PDE4D: variants seen among roughly 807,000 people sequenced by gnomAD.
PDE4D encodes the protein 3',5'-cyclic-AMP phosphodiesterase 4D.
Under a neutral mutation model 87.4 loss-of-function variants are expected in PDE4D, and 24 were observed. That is an observed-to-expected ratio of 0.27 (90% CI 0.20 to 0.39). The LOEUF is 0.39. Among genes scored for constraint, PDE4D ranks in the 10% least tolerant of loss-of-function variants. The pLI, the probability that PDE4D is intolerant of heterozygous loss-of-function variation, is 1.00. For missense variants in PDE4D, 714 were observed against 1,041.0 expected (o/e 0.69, Z 4.32); for synonymous variants, 384 against 383.2 (o/e 1.00, Z -0.02).
At chr5:59,894,407 G>A (rs1267692117), upstream of PDE4D, among the ~76,000 whole-genome samples, 2 of 152,166 alleles carry the variant, frequency 1.3e-5, no homozygotes, top group African/African-American at 2.4e-5. Flanking sequence ...TTGGATCTGG[G>A]TGAAGATCCA....
intron 1 of PDE4D, among the ~76,000 whole-genome samples, chr5:59,764,402 A>G (rs1762526966): frequency 6.6e-6 from 1 of 152,194 alleles, no homozygotes; most frequent in African/African-American, 2.4e-5. Flanking sequence ...TAACGGGGAA[A>G]CTGAAGCACA....
At chr5:60,295,609 C>T (rs1753307072) in intron 1 of PDE4D, among the ~76,000 whole-genome samples, 1 of 152,034 alleles carries the variant, frequency 6.6e-6, no homozygotes, top group Non-Finnish European at 1.5e-5. Flanking sequence ...GCAGTAGCAC[C>T]CTTCCTCTAG....
chr5:59,370,482 T>A (rs185619741), intron 1 of PDE4D, among the ~76,000 whole-genome samples: 10 of 152,356 alleles, frequency 6.6e-5, no homozygotes, highest in Admixed American at 6.5e-4. Flanking sequence ...GAAAAATGCA[T>A]AATTCACTCA....
intron 1 of PDE4D, among the ~76,000 whole-genome samples, chr5:59,655,827 A>C (rs1744258798): frequency 6.6e-6 from 1 of 152,220 alleles, no homozygotes; most frequent in Non-Finnish European, 1.5e-5. Context: ...TCAAGATTTA[A>C]GCAGGCTAAG....
chr5:59,878,861 C>T (rs1748987703), intron 1 of PDE4D, among the ~76,000 whole-genome samples: 1 of 150,496 alleles, frequency 6.6e-6, no homozygotes, highest in South Asian at 2.1e-4. Context: ...CTTCCCACTC[C>T]ATGGTCTACA....
chr5:59,218,129 T>C (rs866639584), intron 1 of PDE4D: 9 of 288,738 alleles, frequency 3.1e-5, no homozygotes, highest in Non-Finnish European at 4.9e-5. Context: ...TCTAAGAAGA[T>C]AGTCATGGCA....
chr5:59,256,021 A>G (rs148432993), intron 1 of PDE4D, among the ~76,000 whole-genome samples: 9 of 152,198 alleles, frequency 5.9e-5, no homozygotes, highest in African/African-American at 2.2e-4. Context: ...TTTTGTACAT[A>G]TATTTTTTGC....
chr5:60,303,364 A>G (rs1304448838), intron 1 of PDE4D, among the ~76,000 whole-genome samples: 1 of 140,740 alleles, frequency 7.1e-6, no homozygotes, highest in African/African-American at 2.8e-5. Flanking sequence ...GCTGGAGTGC[A>G]GTGGCGCGAT....
chr5:60,113,816 C>G (rs891873102), intron 2 of PDE4D, among the ~76,000 whole-genome samples: 1 of 152,048 alleles, frequency 6.6e-6, no homozygotes, highest in Non-Finnish European at 1.5e-5. Context: ...TATTAAACAA[C>G]AAGAACAAAA....
intron 1 of PDE4D, among the ~76,000 whole-genome samples, chr5:59,883,596 GCA>G (rs1351751544): frequency 6.6e-6 from 1 of 152,106 alleles, no homozygotes; most frequent in Non-Finnish European, 1.5e-5. Context: ...TGTTGAAACT[GCA>G]CACACCATAT....
chr5:59,599,396 A>T (rs1331887888), intron 1 of PDE4D, among the ~76,000 whole-genome samples: 1 of 150,844 alleles, frequency 6.6e-6, no homozygotes, highest in Non-Finnish European at 1.5e-5. Flanking sequence ...ATTTTTATTT[A>T]TTTATTTATT....
At chr5:60,301,096 A>G (rs180956789) in intron 1 of PDE4D, among the ~76,000 whole-genome samples, 6 of 152,210 alleles carry the variant, frequency 3.9e-5, no homozygotes, top group Admixed American at 3.9e-4. Context: ...TACCAATACC[A>G]TGCTGTTTTG....
chr5:60,362,335 A>T (rs1760143655), intron 1 of PDE4D, among the ~76,000 whole-genome samples: 1 of 152,186 alleles, frequency 6.6e-6, no homozygotes, highest in Non-Finnish European at 1.5e-5. Context: ...CAGATGAGTC[A>T]TCTTTTGGGA....
chr5:60,212,786 G>A (rs1362618664), intron 1 of PDE4D, among the ~76,000 whole-genome samples: 1 of 152,136 alleles, frequency 6.6e-6, no homozygotes, highest in Non-Finnish European at 1.5e-5. Flanking sequence ...ACAAAGTCTT[G>A]CCTAATACTA....
At position 60,016,258 on chromosome 5, in the gene PDE4D, A is replaced by G. The variant is rs114656330; in HGVS notation, c.43-27541T>C. 5.6e-3 allele frequency among the ~76,000 whole-genome samples: 849 copies of G among 152,262 alleles called. 11 individuals carry two copies. The highest frequency in any genetic ancestry group is 0.02 in the African/African-American group (823 of 41,540). On this transcript the variant is annotated intron_variant, in intron 2 of 16. Coordinates refer to the PDE4D transcript ENST00000502484. ...TTAGGTGTGTAATGGCATTGTAACT[A>G]AAAAGTGTACACACTTTAGTTAAAA...
At chr5:59,338,556 T>C (rs1778146765) in intron 1 of PDE4D, among the ~76,000 whole-genome samples, 1 of 152,194 alleles carries the variant, frequency 6.6e-6, no homozygotes, top group African/African-American at 2.4e-5. Flanking sequence ...CTGCACGTCA[T>C]TAGCTTTTGA....
At chr5:59,313,861 G>C (rs1463562093) in intron 1 of PDE4D, among the ~76,000 whole-genome samples, 1 of 152,034 alleles carries the variant, frequency 6.6e-6, no homozygotes, top group Non-Finnish European at 1.5e-5. Context: ...CCTTTCCACT[G>C]CAACAGCTAT....
intron 1 of PDE4D, among the ~76,000 whole-genome samples, chr5:59,339,324 T>C (rs1778295530): frequency 6.6e-6 from 1 of 152,224 alleles, no homozygotes; most frequent in South Asian, 2.1e-4. Flanking sequence ...CCATTTTCCT[T>C]AGTAACTAAT....
At chr5:59,968,374 G>A (rs1356997032) in intron 3 of PDE4D, among the ~76,000 whole-genome samples, 1 of 152,024 alleles carries the variant, frequency 6.6e-6, no homozygotes, top group Admixed American at 6.6e-5. Context: ...TAAGCATTCA[G>A]CACACGTGGA....
Sources: gnomAD v4.1 joint callset for allele counts (sites outside exome capture counted in the v4.1 genomes callset) on GRCh38, gnomAD v4.1.1 for gene constraint, MANE v1.5 for transcripts, NCBI Gene and HGNC (gene_info 2026-07-23, HGNC 2026-07-21) for gene names.